IGSF11: variants seen among roughly 807,000 people sequenced by gnomAD.
IGSF11 encodes immunoglobulin superfamily member 11, also known as CXADR like 1.
Under a neutral mutation model 41.0 loss-of-function variants are expected in IGSF11, and 22 were observed. The ratio of observed to expected loss-of-function variants is 0.54; its 90% CI spans 0.38 to 0.77. The LOEUF (loss-of-function observed/expected upper bound fraction) is 0.77, where lower values mean the gene tolerates loss of function less well. IGSF11 is among the 30% of genes least tolerant of loss of function. The pLI is 0.00. For missense variants in IGSF11, 444 were observed against 530.8 expected (o/e 0.84, Z 1.61); for synonymous variants, 219 against 201.3 (o/e 1.09, Z -0.74).
intron 1 of IGSF11, among the ~76,000 whole-genome samples, chr3:118,987,472 T>C (rs191215363): frequency 6.6e-6 from 1 of 152,286 alleles, no homozygotes; most frequent in East Asian, 1.9e-4. Context: ...CTGACACTTC[T>C]AGAAGTCCTG....
intron 1 of IGSF11, among the ~76,000 whole-genome samples, chr3:118,974,565 A>G (rs1933847564): frequency 6.6e-6 from 1 of 152,226 alleles, no homozygotes; most frequent in Non-Finnish European, 1.5e-5. Flanking sequence ...AGAATCCTAC[A>G]GTGGTTTAGC....
intron 1 of IGSF11, among the ~76,000 whole-genome samples, chr3:119,052,191 G>C (rs974204081): frequency 1.3e-5 from 2 of 152,136 alleles, no homozygotes; most frequent in Middle Eastern, 3.4e-3. Flanking sequence ...ACAAAAAGAT[G>C]GTTCTTGGCT....
At chr3:118,959,028 C>G (rs1375431137) in intron 1 of IGSF11, among the ~76,000 whole-genome samples, 2 of 152,166 alleles carry the variant, frequency 1.3e-5, no homozygotes, top group African/African-American at 4.8e-5. Context: ...ACTGGAGAGG[C>G]ACCTACAAAA....
intron 4 of IGSF11, among the ~76,000 whole-genome samples, chr3:118,923,051 G>C (rs1208078862): frequency 6.6e-6 from 1 of 152,128 alleles, no homozygotes; most frequent in Non-Finnish European, 1.5e-5. Flanking sequence ...ATAAAACTCA[G>C]AGTGAGCTGC....
chr3:118,959,625 A>C (rs1945196173), intron 1 of IGSF11, among the ~76,000 whole-genome samples: 1 of 152,210 alleles, frequency 6.6e-6, no homozygotes, highest in African/African-American at 2.4e-5. Context: ...GGTTTTCCGC[A>C]AAGAAAACAG....
chr3:119,072,601 T>C (rs1244357413), intron 1 of IGSF11, among the ~76,000 whole-genome samples: 3 of 152,196 alleles, frequency 2.0e-5, no homozygotes, highest in Non-Finnish European at 4.4e-5. Flanking sequence ...TGAAGCCGCA[T>C]ACCTTCGTGG....
chr3:119,115,721 T>C (rs1372886095), intron 1 of IGSF11, among the ~76,000 whole-genome samples: 1 of 152,342 alleles, frequency 6.6e-6, no homozygotes, highest in African/African-American at 2.4e-5. Flanking sequence ...TCGTTGACTG[T>C]TTCCTTTTCG....
chr3:118,977,010 A>G (rs1251382508), intron 1 of IGSF11, among the ~76,000 whole-genome samples: 1 of 152,226 alleles, frequency 6.6e-6, no homozygotes, highest in Admixed American at 6.5e-5. Context: ...GGGCATGTTC[A>G]TTTATTAATG....
intron 1 of IGSF11, among the ~76,000 whole-genome samples, chr3:119,054,734 T>A (rs150321829): frequency 1.3e-5 from 2 of 152,162 alleles, no homozygotes; most frequent in East Asian, 1.9e-4. Context: ...TGCACACACA[T>A]GTTTATAGCA....
chr3:118,955,255 T>TAC (rs1477312709), intron 1 of IGSF11, among the ~76,000 whole-genome samples: 11 of 120,904 alleles, frequency 9.1e-5, no homozygotes, highest in Admixed American at 7.3e-4. Flanking sequence ...CACACACACA[T>TAC]ACACACACAC....
At chr3:118,914,016 G>C (rs1051662540) in intron 4 of IGSF11, among the ~76,000 whole-genome samples, 1 of 152,140 alleles carries the variant, frequency 6.6e-6, no homozygotes, top group Non-Finnish European at 1.5e-5. Flanking sequence ...ATGGAAGAAA[G>C]ACAGCTTTCT....
chr3:119,009,868 T>G (rs1034355367), intron 1 of IGSF11, among the ~76,000 whole-genome samples: 2 of 145,480 alleles, frequency 1.4e-5, no homozygotes. Context: ...AACATCTACC[T>G]TGACATCTAC....
intron 4 of IGSF11, among the ~76,000 whole-genome samples, chr3:118,916,807 T>C (rs1384824804): frequency 6.6e-6 from 1 of 151,620 alleles, no homozygotes; most frequent in African/African-American, 2.4e-5. Context: ...AATATACATT[T>C]TTTTCAGCAC....
intron 1 of IGSF11, among the ~76,000 whole-genome samples, chr3:119,009,638 C>T (rs757160793): frequency 1.3e-5 from 2 of 152,138 alleles, no homozygotes; most frequent in Admixed American, 1.3e-4. Context: ...ATAAATTACC[C>T]AGCCTCAGGT....
intron 1 of IGSF11, among the ~76,000 whole-genome samples, chr3:119,053,178 T>A (rs1941694766): frequency 6.6e-6 from 1 of 152,170 alleles, no homozygotes; most frequent in East Asian, 1.9e-4. Flanking sequence ...GTAAAGGGCA[T>A]CCAAATCAGT....
At chr3:119,074,141 T>C (rs1358113983) in intron 1 of IGSF11, among the ~76,000 whole-genome samples, 1 of 152,182 alleles carries the variant, frequency 6.6e-6, no homozygotes, top group Non-Finnish European at 1.5e-5. Flanking sequence ...ATTTGGAACC[T>C]AAACTTGACA....
intron 1 of IGSF11, chr3:119,105,018 GA>G: frequency 3.5e-6 from 2 of 578,444 alleles, no homozygotes; most frequent in Non-Finnish European, 3.1e-6. Flanking sequence ...AGAAATGGAA[GA>G]TTTTTTTTAG....
chr3:118,942,623 T>C (rs530681303), intron 1 of IGSF11, among the ~76,000 whole-genome samples: 1 of 152,352 alleles, frequency 6.6e-6, no homozygotes, highest in South Asian at 2.1e-4. Context: ...AGAAATACTA[T>C]TCAAAATATG....
chr3:118,981,138 A>G (rs1313551774), intron 1 of IGSF11, among the ~76,000 whole-genome samples: 1 of 152,070 alleles, frequency 6.6e-6, no homozygotes, highest in Non-Finnish European at 1.5e-5. Flanking sequence ...AATTCTTATA[A>G]TTATTTTATG....
Sources: gnomAD v4.1 joint callset for allele counts (sites outside exome capture counted in the v4.1 genomes callset) on GRCh38, gnomAD v4.1.1 for gene constraint, MANE v1.5 for transcripts, NCBI Gene and HGNC (gene_info 2026-07-23, HGNC 2026-07-21) for gene names.